THRAP3: variants seen among roughly 807,000 people sequenced by gnomAD.
THRAP3 encodes the protein thyroid hormone receptor associated protein 3.
Under a neutral mutation model 101.0 loss-of-function variants are expected in THRAP3, and 16 were observed. The observed-to-expected ratio is 0.16, with a 90% confidence interval of 0.11 to 0.24. The LOEUF is 0.24. Ranked by LOEUF, THRAP3 falls within the 10% of genes least tolerant of loss-of-function variation. The pLI, the probability that THRAP3 is intolerant of heterozygous loss-of-function variation, is 1.00. For synonymous variants in THRAP3, 407 were observed against 422.6 expected (o/e 0.96, Z 0.45); for missense variants, 989 against 1,202.7 (o/e 0.82, Z 2.63).
At chr1:36,243,522 A>G (rs1156667028) in intron 1 of THRAP3, among the ~76,000 whole-genome samples, 1 of 152,168 alleles carries the variant, frequency 6.6e-6, no homozygotes, top group Non-Finnish European at 1.5e-5. Context: ...GGGCAAGGTC[A>G]CAGATCAACA....
chr1:36,218,115 A>G, the THRAP3 span, among the ~76,000 whole-genome samples: 34 of 152,320 alleles, frequency 2.2e-4, 1 homozygote, highest in East Asian at 6.5e-3. Flanking sequence ...CTGTAATCCC[A>G]GCACTCTGGG....
At chr1:36,238,047 A>G (rs1030886640) in intron 1 of THRAP3, among the ~76,000 whole-genome samples, 14 of 151,872 alleles carry the variant, frequency 9.2e-5, no homozygotes, top group African/African-American at 3.1e-4. Context: ...GTTAGCCAGG[A>G]TGGTCTGGAT....
In THRAP3 at chr1:36,301,124, C is replaced by A. The variant is rs1184653387; in HGVS notation, c.2502+40C>A. The A allele has an allele frequency of 3.8e-6, 6 of 1,588,474 alleles. No homozygotes were observed. In the Admixed American group the frequency reaches 1.1e-4, roughly 28 times the overall value. On this transcript the variant is annotated intron_variant, in intron 10 of 11. Transcript: ENST00000354618. ...TCTCCCCCTTTCTCTGAGACCCTTG[C>A]TCCTACCAGCTTTGATCACGTTTCA...
chr1:36,289,183 G>C lies in THRAP3; in HGVS notation c.1164G>C (p.Met388Ile). ...FSDTGLGDGK[M>I]KSDSFAPKTD... ...ACACAGGCTTGGGTGATGGAAAAAT[G>C]AAATCTGATTCTTTTGCTCCCAAAA... Residue 388 changes from methionine (M) to isoleucine (I), a missense_variant, in exon 5 of 12, where the codon ATG (methionine) becomes ATC (isoleucine). Physicochemically the swap from Met to Ile is conservative, Grantham distance 10. Coordinates refer to ENST00000354618, the MANE Select transcript of THRAP3 (RefSeq NM_005119.4). The C allele has an allele frequency of 6.2e-7, 1 of 1,614,112 alleles. No homozygotes were observed. The highest frequency in any genetic ancestry group is 8.5e-7 in the Non-Finnish European group (1 of 1,180,026).
intron 2 of THRAP3, among the ~76,000 whole-genome samples, chr1:36,262,959 A>ATTTTTTTTTTTT (rs55662646): frequency 3.3e-4 from 34 of 104,360 alleles, no homozygotes; most frequent in Non-Finnish European, 3.6e-4. Flanking sequence ...GGGCCGGCTA[A>ATTTTTTTTTTTT]TTTTTTTTTT....
At chr1:36,212,696 A>C in the THRAP3 span, among the ~76,000 whole-genome samples, 1 of 152,140 alleles carries the variant, frequency 6.6e-6, no homozygotes, top group Admixed American at 6.5e-5. Context: ...CTGGGATTAC[A>C]AGCATGTGCC....
At chr1:36,251,397 C>T in intron 1 of THRAP3, among the ~76,000 whole-genome samples, 1 of 152,148 alleles carries the variant, frequency 6.6e-6, no homozygotes, top group Non-Finnish European at 1.5e-5. Flanking sequence ...AGTTTAAAAA[C>T]CATTGGTCTA....
At chr1:36,225,658 G>A (rs1385751886) in intron 1 of THRAP3, among the ~76,000 whole-genome samples, 1 of 151,884 alleles carries the variant, frequency 6.6e-6, no homozygotes, top group African/African-American at 2.4e-5. Context: ...TTTCGTTTGT[G>A]GAAGTACTGT....
At chr1:36,216,397 C>T in the THRAP3 span, among the ~76,000 whole-genome samples, 1 of 150,764 alleles carries the variant, frequency 6.6e-6, no homozygotes, top group Non-Finnish European at 1.5e-5. Context: ...GCGTGTAATC[C>T]CAGCTACTCG....
intron 2 of THRAP3, among the ~76,000 whole-genome samples, chr1:36,274,781 C>T (rs754725651): frequency 7.3e-5 from 11 of 150,914 alleles, no homozygotes; most frequent in Non-Finnish European, 4.4e-5. Context: ...TATAGGCACG[C>T]GCCATCACGC....
chr1:36,279,111 G>T (rs965404947), intron 2 of THRAP3, among the ~76,000 whole-genome samples: 2 of 152,100 alleles, frequency 1.3e-5, no homozygotes, highest in African/African-American at 4.8e-5. Flanking sequence ...GGCTCTGTTT[G>T]TATTTACATG....
intron 1 of THRAP3, among the ~76,000 whole-genome samples, chr1:36,251,605 T>G (rs1645301243): frequency 6.6e-6 from 1 of 152,222 alleles, no homozygotes; most frequent in Non-Finnish European, 1.5e-5. Flanking sequence ...GTGTCTTATG[T>G]TCCGAGTTTG....
chr1:36,288,208 A>G (rs747156911), intron 4 of THRAP3: 32 of 868,666 alleles, frequency 3.7e-5, no homozygotes, highest in Non-Finnish European at 4.1e-5. Context: ...GTTTGGTTAC[A>G]TGGATAAGTT....
rs528036697 is a variant in THRAP3, at chr1:36,231,894, T to A, written c.-135+7389T>A. 2.0e-5 allele frequency among the ~76,000 whole-genome samples: 3 copies of A among 152,246 alleles called. No homozygotes were observed. The East Asian group carries it at 5.8e-4, about 29-fold the overall frequency. On this transcript the variant is annotated intron_variant, in intron 1 of 11. Transcript: ENST00000354618. ...GAAAGTGATTGAGGAATTGGTCAGA[T>A]TCCGGTGTTGGGTTGCCCAATAGAG...
At chr1:36,218,482 C>T in the THRAP3 span, among the ~76,000 whole-genome samples, 5 of 146,942 alleles carry the variant, frequency 3.4e-5, no homozygotes, top group Non-Finnish European at 5.9e-5. Context: ...TTTGGGAGGC[C>T]GAGGTGGGTG....
At chr1:36,265,584 G>C (rs1645504198) in intron 2 of THRAP3, among the ~76,000 whole-genome samples, 1 of 150,774 alleles carries the variant, frequency 6.6e-6, no homozygotes, top group African/African-American at 2.4e-5. Context: ...CCATATTTTT[G>C]AAGCATAAAC....
intron 1 of THRAP3, among the ~76,000 whole-genome samples, chr1:36,248,673 A>G (rs1324637574): frequency 1.3e-5 from 2 of 151,230 alleles, no homozygotes; most frequent in Non-Finnish European, 2.9e-5. Flanking sequence ...ATTTCTTTGT[A>G]TCCTCTGTAG....
chr1:36,222,881 C>A (rs1644912847), upstream of THRAP3, among the ~76,000 whole-genome samples: 1 of 152,088 alleles, frequency 6.6e-6, no homozygotes, highest in Non-Finnish European at 1.5e-5. Context: ...GTAATCCCAG[C>A]ACTTTGGAAG....
Position 36,301,022 on chromosome 1 carries a change from C to T in THRAP3, c.2440C>T (p.Leu814=), listed in dbSNP as rs751529151. 1.3e-5 allele frequency: 21 copies of T among 1,614,188 alleles called. No homozygotes were observed. The highest frequency in any genetic ancestry group is 1.7e-5 in the Non-Finnish European group (20 of 1,180,024). The part of the protein sequence containing the change: ...ESTTGFDKSR[L]GTKDFVGPSE... ...CACCACGGGCTTTGACAAATCAAGA[C>T]TGGGGACCAAAGACTTTGTGGGTCC... Residue 814 remains leucine, a synonymous_variant, in exon 10 of 12, where the codon CTG becomes TTG. Coordinates refer to ENST00000354618, the MANE Select transcript of THRAP3 (RefSeq NM_005119.4).
Sources: gnomAD v4.1 joint callset for allele counts (sites outside exome capture counted in the v4.1 genomes callset) on GRCh38, gnomAD v4.1.1 for gene constraint, MANE v1.5 for transcripts, NCBI Gene and HGNC (gene_info 2026-07-23, HGNC 2026-07-21) for gene names.